ARL15: variants seen among roughly 807,000 people sequenced by gnomAD.
ARL15 encodes the protein ARF like GTPase 15.
A neutral mutation model predicts 25.2 loss-of-function variants in ARL15; 19 were observed. The ratio of observed to expected loss-of-function variants is 0.75; its 90% CI spans 0.53 to 1.10. The LOEUF (loss-of-function observed/expected upper bound fraction) is 1.10, where lower values mean the gene tolerates loss of function less well. Ranked by LOEUF, ARL15 falls within the 50% of genes least tolerant of loss-of-function variation. ARL15 has a pLI of 0.00. For synonymous variants in ARL15, 94 were observed against 86.8 expected (o/e 1.08, Z -0.46); for missense variants, 220 against 246.0 (o/e 0.89, Z 0.71).
At chr5:54,236,568 C>T (rs1756816017) in intron 1 of ARL15, among the ~76,000 whole-genome samples, 2 of 152,180 alleles carry the variant, frequency 1.3e-5, no homozygotes, top group African/African-American at 2.4e-5. Flanking sequence ...AATCTGAACA[C>T]ACAATGTCTT....
chr5:54,069,462 T>C (rs903650890), intron 4 of ARL15, among the ~76,000 whole-genome samples: 1 of 146,964 alleles, frequency 6.8e-6, no homozygotes, highest in South Asian at 2.2e-4. Context: ...TCCCAGCTAC[T>C]CGGGAGGCTT....
At chr5:54,188,086 C>T (rs899781200) in intron 1 of ARL15, among the ~76,000 whole-genome samples, 1 of 151,892 alleles carries the variant, frequency 6.6e-6, no homozygotes, top group Admixed American at 6.6e-5. Flanking sequence ...CATATCACAC[C>T]ATAATTGTGA....
chr5:54,241,772 CAA>C (rs1403541088), intron 1 of ARL15, among the ~76,000 whole-genome samples: 2 of 152,106 alleles, frequency 1.3e-5, no homozygotes, highest in Non-Finnish European at 2.9e-5. Context: ...TTGAAATGGA[CAA>C]AAAGTCATAT....
At chr5:54,254,860 T>C (rs1004210393) in intron 1 of ARL15, among the ~76,000 whole-genome samples, 1 of 152,244 alleles carries the variant, frequency 6.6e-6, no homozygotes, top group African/African-American at 2.4e-5. Flanking sequence ...TTAGTGAAGG[T>C]TGCTTTTTGC....
chr5:53,904,943 G>A (rs1745191679), intron 4 of ARL15, among the ~76,000 whole-genome samples: 1 of 152,012 alleles, frequency 6.6e-6, no homozygotes, highest in Non-Finnish European at 1.5e-5. Context: ...GGCCAGGCTG[G>A]TCTCGAACTC....
At chr5:53,996,438 G>A (rs1380842985) in intron 4 of ARL15, among the ~76,000 whole-genome samples, 1 of 151,928 alleles carries the variant, frequency 6.6e-6, no homozygotes, top group Admixed American at 6.6e-5. Flanking sequence ...TGCCAGCATG[G>A]CAAAACTCCG....
intron 4 of ARL15, among the ~76,000 whole-genome samples, chr5:54,029,109 C>T (rs1386026634): frequency 6.6e-6 from 1 of 151,948 alleles, no homozygotes; most frequent in South Asian, 2.1e-4. Flanking sequence ...GTTCTTGAGT[C>T]AGACTCTCTG....
chr5:54,225,045 C>A (rs27379), intron 1 of ARL15, among the ~76,000 whole-genome samples: 21,760 of 152,190 alleles, frequency 0.14, 1,847 homozygotes, highest in Admixed American at 0.27. Flanking sequence ...TCAAGTTCAA[C>A]TATTTTTCTC....
chr5:54,061,695 T>C (rs767632426), intron 4 of ARL15, among the ~76,000 whole-genome samples: 127 of 152,336 alleles, frequency 8.3e-4, no homozygotes, highest in Non-Finnish European at 1.1e-3. Flanking sequence ...AATGCCCAGA[T>C]AGAAGTTTGC....
intron 4 of ARL15, among the ~76,000 whole-genome samples, chr5:53,953,977 G>C (rs1280054688): frequency 6.6e-6 from 1 of 151,672 alleles, no homozygotes; most frequent in East Asian, 1.9e-4. Context: ...TAAACATATG[G>C]TATAAGAATA....
intron 1 of ARL15, among the ~76,000 whole-genome samples, chr5:54,218,644 G>A (rs568436525): frequency 1.3e-5 from 2 of 152,212 alleles, no homozygotes; most frequent in East Asian, 3.9e-4. Flanking sequence ...AAGTCGTGGG[G>A]CACACTGACA....
At chr5:54,196,573 A>T in intron 1 of ARL15, among the ~76,000 whole-genome samples, 1 of 152,222 alleles carries the variant, frequency 6.6e-6, no homozygotes, top group South Asian at 2.1e-4. Context: ...GGTAATAACA[A>T]TAATTATTAT....
At chr5:54,011,636 CAG>C (rs1240731180) in intron 4 of ARL15, among the ~76,000 whole-genome samples, 1 of 152,052 alleles carries the variant, frequency 6.6e-6, no homozygotes, top group Non-Finnish European at 1.5e-5. Flanking sequence ...CTTGCTAAGT[CAG>C]AAAATTCAGG....
intron 1 of ARL15, among the ~76,000 whole-genome samples, chr5:54,195,719 A>C (rs1321748560): frequency 6.6e-6 from 1 of 152,152 alleles, no homozygotes; most frequent in East Asian, 1.9e-4. Flanking sequence ...ATACTAATAT[A>C]TATATACATC....
rs1746993598 is a variant in ARL15 at position 53,952,154 on chromosome 5, T to A, written c.463-65441A>T. 4.6e-5 allele frequency among the ~76,000 whole-genome samples: 7 copies of A among 152,054 alleles called. No homozygotes were observed. In the South Asian group the frequency reaches 1.5e-3, roughly 32 times the overall value. On this transcript the variant is annotated intron_variant, in intron 4 of 4. Coordinates refer to ENST00000504924, the MANE Select transcript of ARL15 (RefSeq NM_019087.3). ...GGTGGGTGCCTGTAATCCCAGCTACTCGGGAGGCTAAGGCAGAGAATTGCT... is the reference window on the plus strand; with the variant it reads ...GGTGGGTGCCTGTAATCCCAGCTACACGGGAGGCTAAGGCAGAGAATTGCT...
chr5:54,195,284 A>G (rs556574167), intron 1 of ARL15, among the ~76,000 whole-genome samples: 2 of 152,326 alleles, frequency 1.3e-5, no homozygotes, highest in Non-Finnish European at 2.9e-5. Flanking sequence ...ATCAATGAAA[A>G]TACAGAAAAA....
At chr5:54,077,876 G>T (rs1327587691) in intron 4 of ARL15, among the ~76,000 whole-genome samples, 1 of 152,080 alleles carries the variant, frequency 6.6e-6, no homozygotes, top group Non-Finnish European at 1.5e-5. Flanking sequence ...CAATGTTTTT[G>T]TGAACACTCT....
chr5:53,900,530 A>T (rs1745028386), intron 4 of ARL15, among the ~76,000 whole-genome samples: 1 of 99,124 alleles, frequency 1.0e-5, no homozygotes, highest in Non-Finnish European at 2.2e-5. Context: ...ATGAGTCCTC[A>T]GTTCCTTGAG....
chr5:54,256,264 T>G (rs1477322329), intron 1 of ARL15, among the ~76,000 whole-genome samples: 1 of 151,768 alleles, frequency 6.6e-6, no homozygotes, highest in Non-Finnish European at 1.5e-5. Flanking sequence ...AAAAGATCAT[T>G]TGAGACTGCT....
Sources: gnomAD v4.1 joint callset for allele counts (sites outside exome capture counted in the v4.1 genomes callset) on GRCh38, gnomAD v4.1.1 for gene constraint, MANE v1.5 for transcripts, NCBI Gene and HGNC (gene_info 2026-07-23, HGNC 2026-07-21) for gene names.